WWOX: variants seen among roughly 807,000 people sequenced by gnomAD.
The protein encoded by WWOX is WW domain containing oxidoreductase, also known as WW domain-containing oxidoreductase.
Under a neutral mutation model 46.2 loss-of-function variants are expected in WWOX, and 69 were observed. The ratio of observed to expected loss-of-function variants is 1.49; its 90% CI spans 1.23 to 1.82. The LOEUF (loss-of-function observed/expected upper bound fraction) is 1.82. Among genes scored for constraint, WWOX ranks in the 40% most tolerant of loss-of-function variants. The probability of loss-of-function intolerance (pLI) is 0.00; values close to 1 mark genes in which losing one functional copy is unlikely to be tolerated. For synonymous variants in WWOX, 359 were observed against 202.6 expected (o/e 1.77, Z -6.56); for missense variants, 919 against 542.6 (o/e 1.69, Z -6.89).
chr16:79,150,061 GC>G (rs1416135023), intron 8 of WWOX, among the ~76,000 whole-genome samples: 1 of 152,174 alleles, frequency 6.6e-6, no homozygotes, highest in Non-Finnish European at 1.5e-5. Flanking sequence ...CTCTGATTAG[GC>G]CTCTCATTTT....
intron 8 of WWOX, among the ~76,000 whole-genome samples, chr16:79,112,896 C>T (rs1189683306): frequency 1.3e-5 from 2 of 152,292 alleles, no homozygotes; most frequent in East Asian, 3.9e-4. Context: ...GACAGTCTAG[C>T]CTCTGTGCAG....
At chr16:78,216,334 A>T (rs2036720035) in intron 5 of WWOX, among the ~76,000 whole-genome samples, 1 of 152,200 alleles carries the variant, frequency 6.6e-6, no homozygotes, top group Non-Finnish European at 1.5e-5. Context: ...GGACTGATGG[A>T]TGCGTTACAG....
In WWOX at chr16:78,811,567, C is replaced by T. The variant is rs556247840; in HGVS notation, c.1056+378815C>T. Among the ~76,000 whole-genome samples the T allele has an allele frequency of 4.6e-5, 7 of 151,822 alleles. No individual in the cohort carries two copies. In the Middle Eastern group the frequency reaches 0.01, roughly 221 times the overall value. On this transcript the variant is annotated intron_variant, in intron 8 of 8. Transcript: ENST00000566780. ...TGTATTTCTAGGAGAAACGGGGTTT[C>T]ACCATGTTGGCCAGGCTGGTCTCAA...
At chr16:78,993,165 G>C (rs936091150) in intron 8 of WWOX, among the ~76,000 whole-genome samples, 3 of 151,252 alleles carry the variant, frequency 2.0e-5, no homozygotes, top group African/African-American at 7.3e-5. Flanking sequence ...ATTGCAGAGA[G>C]ATACTGAGTT....
intron 8 of WWOX, chr16:79,101,243 G>T (rs914916710): frequency 6.6e-6 from 1 of 152,124 alleles, no homozygotes; most frequent in South Asian, 2.1e-4. Context: ...AAACATATTC[G>T]CAGCTTGTAT....
chr16:78,377,462 C>T (rs1468753088), intron 5 of WWOX, among the ~76,000 whole-genome samples: 1 of 152,152 alleles, frequency 6.6e-6, no homozygotes, highest in Non-Finnish European at 1.5e-5. Flanking sequence ...TGCCTGCAAT[C>T]CTTCAGGAAA....
intron 8 of WWOX, among the ~76,000 whole-genome samples, chr16:78,778,470 T>C (rs955378245): frequency 2.6e-5 from 4 of 152,224 alleles, no homozygotes; most frequent in Non-Finnish European, 4.4e-5. Flanking sequence ...GGATGTCACA[T>C]GTTCAGGCTG....
chr16:79,009,776 TGGAATGGTGCAAC>T (rs2047266446), intron 8 of WWOX, among the ~76,000 whole-genome samples: 1 of 151,858 alleles, frequency 6.6e-6, no homozygotes, highest in African/African-American at 2.4e-5. Flanking sequence ...AAGGAAGAAA[TGGAATGGTGCAAC>T]CATGGTACAT....
chr16:78,955,092 C>T (rs2046138147), intron 8 of WWOX, among the ~76,000 whole-genome samples: 1 of 152,104 alleles, frequency 6.6e-6, no homozygotes, highest in Non-Finnish European at 1.5e-5. Context: ...GGAAACTCCG[C>T]AGAGAGAAAG....
intron 8 of WWOX, among the ~76,000 whole-genome samples, chr16:78,960,184 A>G (rs2046246201): frequency 6.6e-6 from 1 of 152,226 alleles, no homozygotes; most frequent in Non-Finnish European, 1.5e-5. Flanking sequence ...GTTGTGGTGT[A>G]AAAGATAGTA....
chr16:78,590,363 A>C (rs2045323434), intron 8 of WWOX, among the ~76,000 whole-genome samples: 1 of 152,102 alleles, frequency 6.6e-6, no homozygotes. Flanking sequence ...GGAATCTGAA[A>C]GTGTTATAGT....
chr16:78,355,599 C>T (rs1222648903), intron 5 of WWOX: 32 of 539,194 alleles, frequency 5.9e-5, no homozygotes, highest in Non-Finnish European at 1.2e-4. Flanking sequence ...AGGCTCAGCC[C>T]AGAGGAGCGA....
At chr16:79,190,464 A>G (rs2051112585) in intron 8 of WWOX, among the ~76,000 whole-genome samples, 1 of 152,170 alleles carries the variant, frequency 6.6e-6, no homozygotes, top group African/African-American at 2.4e-5. Context: ...ATTCAGACCC[A>G]CAGAGGCCTT....
At chr16:78,247,444 C>T (rs889497687) in intron 5 of WWOX, among the ~76,000 whole-genome samples, 2 of 152,030 alleles carry the variant, frequency 1.3e-5, no homozygotes, top group Non-Finnish European at 2.9e-5. Context: ...TCCCAGAGGA[C>T]TCAGCATTGG....
intron 8 of WWOX, among the ~76,000 whole-genome samples, chr16:79,155,187 C>G (rs1348328252): frequency 6.6e-6 from 1 of 152,052 alleles, no homozygotes; most frequent in Non-Finnish European, 1.5e-5. Context: ...ACCATTCTGG[C>G]CAACATGGTG....
chr16:78,407,316 C>T (rs565292380), intron 6 of WWOX, among the ~76,000 whole-genome samples: 2 of 152,256 alleles, frequency 1.3e-5, no homozygotes, highest in Non-Finnish European at 2.9e-5. Flanking sequence ...AGAAATGCCC[C>T]AGATGGTGTG....
chr16:78,570,170 T>G (rs975998388), intron 8 of WWOX, among the ~76,000 whole-genome samples: 2 of 152,228 alleles, frequency 1.3e-5, no homozygotes, highest in African/African-American at 4.8e-5. Context: ...AATTTAACTT[T>G]GCAAACAAAC....
intron 8 of WWOX, among the ~76,000 whole-genome samples, chr16:78,477,873 T>C (rs1300826309): frequency 6.6e-6 from 1 of 152,210 alleles, no homozygotes; most frequent in African/African-American, 2.4e-5. Flanking sequence ...GGATTTATAA[T>C]ATTAGTGGGA....
intron 5 of WWOX, among the ~76,000 whole-genome samples, chr16:78,385,241 C>T (rs1269540968): frequency 2.0e-5 from 3 of 152,024 alleles, no homozygotes; most frequent in Non-Finnish European, 4.4e-5. Context: ...ATGTGGCCTT[C>T]AGGGAGGATC....
Sources: gnomAD v4.1 joint callset for allele counts (sites outside exome capture counted in the v4.1 genomes callset) on GRCh38, gnomAD v4.1.1 for gene constraint, MANE v1.5 for transcripts, NCBI Gene and HGNC (gene_info 2026-07-23, HGNC 2026-07-21) for gene names.